Variants in OR4A16 observed in about 807,000 individuals in gnomAD.
OR4A16 encodes the protein olfactory receptor 4A16.
For missense variants in OR4A16, 594 were observed against 390.9 expected (o/e 1.52, Z -4.38); for synonymous variants, 210 against 138.6 (o/e 1.51, Z -3.62).
chr11:55,343,497 C>T lies in OR4A16; in HGVS notation c.297C>T (p.Leu99=), dbSNP rs1853456170. 4 of 1,613,808 alleles carry T rather than the reference C, an allele frequency of 2.5e-6. No individual in the cohort carries two copies. The highest frequency in any genetic ancestry group is 3.4e-6 in the Non-Finnish European group (4 of 1,179,888). ...AISLSACMGQ[L]FIEHLLGGAE... ...CCTTGTCAGCTTGCATGGGTCAGCT[C>T]TTCATAGAACACTTACTTGGTGGTG... is the stretch of plus-strand genomic sequence containing the variant. The change falls in exon 1 of 1, where the codon CTC becomes CTT. Residue 99 remains leucine (L), a synonymous_variant. Coordinates refer to ENST00000314721, the MANE Select transcript of OR4A16 (RefSeq NM_001005274.1).
rs757049464 is a variant in OR4A16, at chr11:55,344,097, C to A, written c.897C>A (p.Leu299=). The A allele has an allele frequency of 1.2e-6, 2 of 1,610,970 alleles. No homozygotes were observed. Among genetic ancestry groups the A allele is most frequent in the Non-Finnish European group, 1.7e-6 (2 of 1,178,598 alleles). ...AGATGAAAAATGCTATGAAAAATCT[C>A]TGGTGTGAAAAGTTAAGTATAGTTA... ...QSEMKNAMKN[L]WCEKLSIVRK... The change falls in exon 1 of 1, where the codon CTC becomes CTA. Residue 299 remains leucine, a synonymous_variant. Coordinates refer to ENST00000314721, the MANE Select transcript of OR4A16 (RefSeq NM_001005274.1).
rs774964944 is a variant in OR4A16, at chr11:55,343,307, C to A, written c.107C>A (p.Thr36Lys). The part of the protein sequence containing the change: ...FVMFLLIYIV[T>K]MVGNLLIWVT... ...ATGTTTTTACTCATATACATTGTGACAATGGTGGGAAACCTCCTCATTTGG... is the reference window on the plus strand; with the variant it reads ...ATGTTTTTACTCATATACATTGTGAAAATGGTGGGAAACCTCCTCATTTGG... The change falls in exon 1 of 1, where the codon ACA (threonine) becomes AAA (lysine). Residue 36 changes from threonine to lysine, a missense_variant. Physicochemically the swap from Thr to Lys is moderately conservative, Grantham distance 78. Transcript: ENST00000314721. 2 of 1,613,666 alleles carry A rather than the reference C, an allele frequency of 1.2e-6. No homozygotes were observed. The highest frequency in any genetic ancestry group is 1.1e-5 in the South Asian group (1 of 91,070).
rs1194032467 is a variant in OR4A16 at position 55,343,768 on chromosome 11, A to T, written c.568A>T (p.Thr190Ser). The T allele has an allele frequency of 6.2e-7, 1 of 1,613,696 alleles. No homozygotes were observed. The highest frequency in any genetic ancestry group is 1.1e-5 in the South Asian group (1 of 91,056). The change falls in exon 1 of 1, where the codon ACC becomes TCC. Residue 190 changes from threonine (T) to serine (S), a missense_variant. Transcript: ENST00000314721. ...ATTGTTGGAACTGTTGTGCCTTGAC[A>T]CCTACTTTATAGGACTCACTGTGGT... The part of the protein sequence containing the change: ...YPLLELLCLD[T>S]YFIGLTVVAN...
rs764478248 is a variant in OR4A16 at position 55,343,649 on chromosome 11, G to T, written c.449G>T (p.Gly150Val). The change falls in exon 1 of 1, where the codon GGT (glycine) becomes GTT (valine). Residue 150 changes from glycine (G) to valine (V), a missense_variant. Gly to Val is a moderately radical substitution (Grantham distance 109). Coordinates refer to ENST00000314721, the MANE Select transcript of OR4A16 (RefSeq NM_001005274.1). ...CTGTTGGTGGTGGCCATGATTGGAG[G>T]TTTTGTGCACTCTGTGGTTCAAATT... ...ILLLVVAMIG[G>V]FVHSVVQIVF... 7 of 1,613,730 alleles carry T rather than the reference G, an allele frequency of 4.3e-6. No individual in the cohort carries two copies. The African/African-American group carries it at 6.7e-5, about 15-fold the overall frequency.
Position 55,344,119 on chromosome 11 carries a change from G to C in OR4A16, c.919G>C (p.Val307Leu), listed in dbSNP as rs1853474415. 6.2e-7 allele frequency: 1 copy of C among 1,607,526 alleles called. No individual in the cohort carries two copies. Among genetic ancestry groups the C allele is most frequent in the Non-Finnish European group, 8.5e-7 (1 of 1,178,634 alleles). ...TCTCTGGTGTGAAAAGTTAAGTATA[G>C]TTAGAAAAAGAGTATCTCCCACACT... Reference protein sequence around the residue: ...KNLWCEKLSIVRKRVSPTLNI... With the variant: ...KNLWCEKLSILRKRVSPTLNI... Residue 307 changes from valine (V) to leucine (L), a missense_variant, in exon 1 of 1, where the codon GTT becomes CTT. Transcript: ENST00000314721.
chr11:55,343,818 G>A lies in OR4A16; in HGVS notation c.618G>A (p.Met206Ile). ...TVVANGGIIC[M>I]VIFTFLLISC... Reference sequence around the variant, plus strand: ...TTGCCAATGGTGGAATAATTTGTATGGTCATCTTTACCTTTCTGCTAATCT... The same window carrying A: ...TTGCCAATGGTGGAATAATTTGTATAGTCATCTTTACCTTTCTGCTAATCT... The change falls in exon 1 of 1, where the codon ATG becomes ATA. Residue 206 changes from methionine to isoleucine, a missense_variant. Physicochemically the swap from Met to Ile is conservative, Grantham distance 10. Transcript: ENST00000314721. 6.2e-7 allele frequency: 1 copy of A among 1,613,708 alleles called. No homozygotes were observed. Among genetic ancestry groups the A allele is most frequent in the South Asian group, 1.1e-5 (1 of 91,072 alleles).
Position 55,343,902 on chromosome 11 carries a change from C to T in OR4A16, c.702C>T (p.Ala234=), listed in dbSNP as rs556673264. 1.4e-4 allele frequency: 227 copies of T among 1,613,724 alleles called. 2 individuals are homozygous for T. In the South Asian group the frequency reaches 2.3e-3, roughly 17 times the overall value. ...ACAGTCAGGAAGAGAGGCATAAAGC[C>T]CTGCCTACCTGCATCTCCCACATCA... ...KTYSQEERHK[A]LPTCISHIIV... Residue 234 remains alanine, a synonymous_variant, in exon 1 of 1, where the codon GCC becomes GCT. Coordinates refer to ENST00000314721, the MANE Select transcript of OR4A16 (RefSeq NM_001005274.1).
rs765468983 is a variant in OR4A16, at chr11:55,343,423, A to T, written c.223A>T (p.Met75Leu). Residue 75 changes from methionine (M) to leucine (L), a missense_variant, in exon 1 of 1, where the codon ATG (methionine) becomes TTG (leucine). Met to Leu is a conservative substitution (Grantham distance 15, BLOSUM62 2). Coordinates refer to ENST00000314721, the MANE Select transcript of OR4A16 (RefSeq NM_001005274.1). Reference protein sequence around the residue: ...SLMDAIYSTAMSPKLMIDLLC... With the variant: ...SLMDAIYSTALSPKLMIDLLC... ...TATGGATGCCATATATTCCACTGCC[A>T]TGTCACCCAAATTGATGATAGACTT... 5.9e-5 allele frequency: 95 copies of T among 1,613,756 alleles called. No homozygotes were observed. The highest frequency in any genetic ancestry group is 7.6e-5 in the Non-Finnish European group (90 of 1,179,898).
In OR4A16 at chr11:55,343,675, G is replaced by C; in HGVS notation, c.475G>C (p.Val159Leu). 6.2e-7 allele frequency: 1 copy of C among 1,613,882 alleles called. No individual in the cohort carries two copies. Among genetic ancestry groups the C allele is most frequent in the Non-Finnish European group, 8.5e-7 (1 of 1,179,870 alleles). ...TTTTGTGCACTCTGTGGTTCAAATT[G>C]TCTTTCTGTACAGTCTACCAATCTG... ...GGFVHSVVQI[V>L]FLYSLPICGP... Residue 159 changes from valine to leucine, a missense_variant, in exon 1 of 1, where the codon GTC (valine) becomes CTC (leucine). Coordinates refer to ENST00000314721, the MANE Select transcript of OR4A16 (RefSeq NM_001005274.1).
exon 1 of OR4A16, chr11:55,344,185 TAA>T: frequency 1.0e-5 from 16 of 1,566,582 alleles, no homozygotes; most frequent in Non-Finnish European, 1.4e-5. Flanking sequence ...AAATAGGCGG[TAA>T]AATACTGCAG....
rs1272517657 is a variant in OR4A16, at chr11:55,344,161, A to T, written c.961A>T (p.Ser321Cys). Residue 321 changes from serine (S) to cysteine (C), a missense_variant, in exon 1 of 1, where the codon AGT becomes TGT. By Grantham distance (112) the Ser-to-Cys change is moderately radical (BLOSUM62 -1). Transcript: ENST00000314721. ...TCCCACACTGAACATATTTATTCCT[A>T]GTTCTAAGGCAACAAATAGGCGGTA... Reference protein sequence around the residue: ...VSPTLNIFIPSSKATNRR With the variant: ...VSPTLNIFIPCSKATNRR The T allele has an allele frequency of 6.3e-7, 1 of 1,590,338 alleles. No individual in the cohort carries two copies. Among genetic ancestry groups the T allele is most frequent in the Non-Finnish European group, 8.5e-7 (1 of 1,174,518 alleles).
Position 55,344,052 on chromosome 11 carries a change from A to G in OR4A16, c.852A>G (p.Ile284Met), listed in dbSNP as rs1317198465. ...SIITLMLNPL[I>M]YSLRQSEMKN... The stretch of plus-strand genomic sequence containing the variant: ...TCACACTCATGTTGAATCCTTTAAT[A>G]TACTCGTTGAGACAATCAGAGATGA... The change falls in exon 1 of 1, where the codon ATA (isoleucine) becomes ATG (methionine). Residue 284 changes from isoleucine (I) to methionine (M), a missense_variant. By Grantham distance (10) the Ile-to-Met change is conservative (BLOSUM62 1). Transcript: ENST00000314721. 11 of 1,612,630 alleles carry G rather than the reference A, an allele frequency of 6.8e-6. No individual in the cohort carries two copies. Among genetic ancestry groups the G allele is most frequent in the Non-Finnish European group, 9.3e-6 (11 of 1,179,178 alleles).
Position 55,343,596 on chromosome 11 carries a change from CA to C in OR4A16, c.397del (p.Ile133SerfsTer2). 6.2e-7 allele frequency: 1 copy of C among 1,605,174 alleles called. No homozygotes were observed. Among genetic ancestry groups the C allele is most frequent in the Non-Finnish European group, 8.5e-7 (1 of 1,172,022 alleles). The stretch of plus-strand genomic sequence containing the variant: ...TCTCTAAGCCGCTGCACTATTTGAA[CA>C]TCATGAATCGACTGGTTTGCATCCT... ...AISKPLHYLN[I>X]MNRLVCILLL... is the part of the protein sequence containing the mutation. On this transcript the variant is annotated frameshift_variant, in exon 1 of 1. Transcript: ENST00000314721. LOFTEE classifies it low-confidence loss of function (END_TRUNC).
In OR4A16 at chr11:55,343,553, A is replaced by G; in HGVS notation, c.353A>G (p.Tyr118Cys). 1 of 1,613,978 alleles carries G rather than the reference A, an allele frequency of 6.2e-7. No homozygotes were observed. Among genetic ancestry groups the G allele is most frequent in the Non-Finnish European group, 8.5e-7 (1 of 1,179,924 alleles). ...GTCTTCCTTTTGGTGGTGATGGCCT[A>G]TGATCGCTATGTGGCTATCTCTAAG... ...AEVFLLVVMAYDRYVAISKPL... is the reference protein window; with the variant it reads ...AEVFLLVVMACDRYVAISKPL... Residue 118 changes from tyrosine (Y) to cysteine (C), a missense_variant, in exon 1 of 1, where the codon TAT becomes TGT. Tyr to Cys is a radical substitution (Grantham distance 194). Transcript: ENST00000314721.
At position 55,343,830 on chromosome 11, in the gene OR4A16, C is replaced by G. The variant is rs772252213; in HGVS notation, c.630C>G (p.Thr210=). Residue 210 remains threonine (T), a synonymous_variant, in exon 1 of 1, where the codon ACC becomes ACG. Transcript: ENST00000314721. ...GAATAATTTGTATGGTCATCTTTAC[C>G]TTTCTGCTAATCTCCTGTGGAGTCA... ...NGGIICMVIF[T]FLLISCGVIL... is the part of the protein sequence containing the mutation. The G allele has an allele frequency of 1.2e-6, 2 of 1,613,798 alleles. No individual in the cohort carries two copies. Among genetic ancestry groups the G allele is most frequent in the East Asian group, 2.2e-5 (1 of 44,804 alleles).
chr11:55,343,774 T>C lies in OR4A16; in HGVS notation c.574T>C (p.Phe192Leu), dbSNP rs371307813. Residue 192 changes from phenylalanine to leucine, a missense_variant, in exon 1 of 1, where the codon TTT becomes CTT. Coordinates refer to ENST00000314721, the MANE Select transcript of OR4A16 (RefSeq NM_001005274.1). ...GGAACTGTTGTGCCTTGACACCTAC[T>C]TTATAGGACTCACTGTGGTTGCCAA... is the stretch of plus-strand genomic sequence containing the variant. Reference protein sequence around the residue: ...LLELLCLDTYFIGLTVVANGG... With the variant: ...LLELLCLDTYLIGLTVVANGG... 5 of 1,613,694 alleles carry C rather than the reference T, an allele frequency of 3.1e-6. No individual in the cohort carries two copies. Among genetic ancestry groups the C allele is most frequent in the Non-Finnish European group, 4.2e-6 (5 of 1,179,820 alleles).
rs759285784 is a variant in OR4A16 at position 55,343,370 on chromosome 11, T to G, written c.170T>G (p.Met57Arg). ...TIGSPSLGSL[M>R]YFFLAYLSLM... ...GGCAGCCCCTCCTTGGGCTCCCTAATGTACTTCTTCCTTGCCTACTTGTCA... is the reference window on the plus strand; with the variant it reads ...GGCAGCCCCTCCTTGGGCTCCCTAAGGTACTTCTTCCTTGCCTACTTGTCA... The change falls in exon 1 of 1, where the codon ATG becomes AGG. Residue 57 changes from methionine (M) to arginine (R), a missense_variant. By Grantham distance (91) the Met-to-Arg change is moderately conservative. Transcript: ENST00000314721. 1.2e-6 allele frequency: 2 copies of G among 1,613,928 alleles called. No individual in the cohort carries two copies. Among genetic ancestry groups the G allele is most frequent in the East Asian group, 4.5e-5 (2 of 44,826 alleles).
chr11:55,343,974 A>T lies in OR4A16; in HGVS notation c.774A>T (p.Arg258Ser). The T allele has an allele frequency of 6.2e-7, 1 of 1,613,614 alleles. No individual in the cohort carries two copies. Among genetic ancestry groups the T allele is most frequent in the Middle Eastern group, 1.7e-4 (1 of 6,056 alleles). ...VFVPCIFMYVRPVSNFPFDKL... is the reference protein window; with the variant it reads ...VFVPCIFMYVSPVSNFPFDKL... ...TTCCCTGTATTTTTATGTATGTTAGACCCGTTTCCAACTTTCCCTTTGATA... is the reference window on the plus strand; with the variant it reads ...TTCCCTGTATTTTTATGTATGTTAGTCCCGTTTCCAACTTTCCCTTTGATA... The change falls in exon 1 of 1, where the codon AGA becomes AGT. Residue 258 changes from arginine (R) to serine (S), a missense_variant. Arg to Ser is a moderately radical substitution (Grantham distance 110, BLOSUM62 -1). Transcript: ENST00000314721.
Position 55,343,486 on chromosome 11 carries a change from A to T in OR4A16, c.286A>T (p.Met96Leu). 1 of 1,613,946 alleles carries T rather than the reference A, an allele frequency of 6.2e-7. No individual in the cohort carries two copies. Among genetic ancestry groups the T allele is most frequent in the South Asian group, 1.1e-5 (1 of 91,074 alleles). The change falls in exon 1 of 1, where the codon ATG becomes TTG. Residue 96 changes from methionine (M) to leucine (L), a missense_variant. Physicochemically the swap from Met to Leu is conservative, Grantham distance 15. Coordinates refer to ENST00000314721, the MANE Select transcript of OR4A16 (RefSeq NM_001005274.1). ...AATCGCTATTTCCTTGTCAGCTTGC[A>T]TGGGTCAGCTCTTCATAGAACACTT... ...DKIAISLSAC[M>L]GQLFIEHLLG...
Sources: gnomAD v4.1 joint callset for allele counts on GRCh38, gnomAD v4.1.1 for gene constraint, MANE v1.5 for transcripts, NCBI Gene and HGNC (gene_info 2026-07-23, HGNC 2026-07-21) for gene names.